Variants in METTL22 observed in about 807,000 individuals in gnomAD.
METTL22 encodes methyltransferase-like protein 22.
Under a neutral mutation model 48.4 loss-of-function variants are expected in METTL22, and 51 were observed. The ratio of observed to expected loss-of-function variants is 1.05; its 90% confidence interval spans 0.84 to 1.33. The LOEUF (loss-of-function observed/expected upper bound fraction) is 1.33. METTL22 is among the 40% of genes most tolerant of loss of function. The probability of loss-of-function intolerance (pLI) is 0.00; values close to 1 mark genes in which losing one functional copy is unlikely to be tolerated. For synonymous variants in METTL22, 255 were observed against 214.1 expected (o/e 1.19, Z -1.67); for missense variants, 678 against 526.9 (o/e 1.29, Z -2.81).
chr16:8,639,059 G>A (rs1284733763), intron 5 of METTL22, 32 bp from the exon 6 acceptor site: 3 of 1,612,290 alleles, frequency 1.9e-6, no homozygotes, highest in Non-Finnish European at 8.5e-7. Flanking sequence ...CGTAGTGGCT[G>A]GCACTTTATG....
intron 3 of METTL22, among the ~76,000 whole-genome samples, chr16:8,630,660 T>A (rs1352564706): frequency 6.6e-6 from 1 of 152,094 alleles, no homozygotes; most frequent in Non-Finnish European, 1.5e-5. Context: ...TTCTGGGAAT[T>A]TACCATTGTA....
chr16:8,639,334 C>T (rs753753211), intron 6 of METTL22, 172 bp downstream of exon 6: 183 of 637,336 alleles, frequency 2.9e-4, no homozygotes, highest in Non-Finnish European at 4.6e-4. Flanking sequence ...GCATTGAGGA[C>T]GCTCCTTGGG....
chr16:8,652,304 C>A (rs1029674376), downstream of METTL22, among the ~76,000 whole-genome samples: 1 of 149,544 alleles, frequency 6.7e-6, no homozygotes, highest in East Asian at 2.0e-4. Flanking sequence ...ACCAAAAATA[C>A]AAAAATTAGC....
At chr16:8,659,980 C>A in the METTL22 span, among the ~76,000 whole-genome samples, 2 of 152,058 alleles carry the variant, frequency 1.3e-5, no homozygotes, top group Non-Finnish European at 2.9e-5. Flanking sequence ...CCCACCTCAG[C>A]CTCACAAAAT....
chr16:8,626,343 A>G (rs2056050026), intron 2 of METTL22, among the ~76,000 whole-genome samples: 1 of 151,880 alleles, frequency 6.6e-6, no homozygotes, highest in Admixed American at 6.6e-5. Context: ...CTGACCCAGG[A>G]CTTGATGCTG....
chr16:8,624,552 C>G (rs570449846), intron 1 of METTL22, among the ~76,000 whole-genome samples: 10 of 151,956 alleles, frequency 6.6e-5, no homozygotes, highest in African/African-American at 2.4e-4. Context: ...CCTAATTCCA[C>G]TCATCTTTTT....
chr16:8,652,677 T>TAA (rs568694586), downstream of METTL22, among the ~76,000 whole-genome samples: 2,101 of 132,952 alleles, frequency 0.016, 54 homozygotes, highest in African/African-American at 0.049. Flanking sequence ...AATAATTATT[T>TAA]TAAAAAAAAA....
chr16:8,643,226 T>A (rs1390963917), intron 9 of METTL22, among the ~76,000 whole-genome samples: 1 of 152,236 alleles, frequency 6.6e-6, no homozygotes, highest in Admixed American at 6.5e-5. Context: ...TGTACAAAGC[T>A]GTATGTACTT....
intron 9 of METTL22, among the ~76,000 whole-genome samples, chr16:8,643,109 G>C (rs1335205647): frequency 6.6e-6 from 1 of 152,130 alleles, no homozygotes; most frequent in African/African-American, 2.4e-5. Flanking sequence ...CTTAACAGTA[G>C]TCCACAGCTT....
At chr16:8,646,027 G>GCCTGCTCCGTGGCTGAAGTGTT in intron 10 of METTL22, 81 bp from the exon 11 acceptor site, 1 of 1,586,918 alleles carries the variant, frequency 6.3e-7, no homozygotes, top group Non-Finnish European at 8.6e-7. Context: ...TACTCTCCTT[G>GCCTGCTCCGTGGCTGAAGTGTT]GTGAATCACT....
chr16:8,651,097 T>C (rs2056888299), downstream of METTL22, among the ~76,000 whole-genome samples: 1 of 151,686 alleles, frequency 6.6e-6, no homozygotes, highest in Admixed American at 6.6e-5. Flanking sequence ...GTAAAGATCA[T>C]ACTAAATGGG....
In METTL22 at chr16:8,628,912, A is replaced by T. The variant is rs1596336460; in HGVS notation, c.316A>T (p.Thr106Ser). The T allele has an allele frequency of 6.2e-7, 1 of 1,613,880 alleles. No individual in the cohort carries two copies. The highest frequency in any genetic ancestry group is 2.2e-5 in the East Asian group (1 of 44,820). The change falls in exon 3 of 11, where the codon ACC (threonine) becomes TCC (serine). Residue 106 changes from threonine (T) to serine (S), a missense_variant. Physicochemically the swap from Thr to Ser is moderately conservative, Grantham distance 58. Transcript: ENST00000381920. ...EGFSLQAGTDTTGQEVAEAQL... is the reference protein window; with the variant it reads ...EGFSLQAGTDSTGQEVAEAQL... ...TTTCTCCCTCCAGGCCGGGACTGACACCACTGGCCAGGAAGTGGCTGAAGC... is the reference window on the plus strand; with the variant it reads ...TTTCTCCCTCCAGGCCGGGACTGACTCCACTGGCCAGGAAGTGGCTGAAGC...
At chr16:8,661,507 G>A in the METTL22 span, among the ~76,000 whole-genome samples, 5 of 141,810 alleles carry the variant, frequency 3.5e-5, no homozygotes, top group East Asian at 4.0e-4. Flanking sequence ...TTAGCCGGGC[G>A]TGGTGGCGGG....
At chr16:8,652,274 C>T (rs550618332), downstream of METTL22, among the ~76,000 whole-genome samples, 116 of 150,740 alleles carry the variant, frequency 7.7e-4, 3 homozygotes, top group South Asian at 0.024. Context: ...GCCTGGCCAA[C>T]ATGGTGAAAC....
At chr16:8,637,300 T>C (rs1027393699) in intron 5 of METTL22, among the ~76,000 whole-genome samples, 2 of 152,230 alleles carry the variant, frequency 1.3e-5, no homozygotes, top group East Asian at 3.8e-4. Flanking sequence ...GCAGCCACGC[T>C]ATTGGCTGCT....
At chr16:8,657,913 C>G in the METTL22 span, among the ~76,000 whole-genome samples, 1 of 151,672 alleles carries the variant, frequency 6.6e-6, no homozygotes, top group Non-Finnish European at 1.5e-5. Context: ...ACCTCCTGGA[C>G]TCAAGCTATC....
rs1446899600 is a variant in METTL22, at chr16:8,628,786, G to A, written c.190G>A (p.Ala64Thr). Residue 64 changes from alanine (A) to threonine (T), a missense_variant, in exon 3 of 11, where the codon GCC (alanine) becomes ACC (threonine). Transcript: ENST00000381920. The stretch of plus-strand genomic sequence containing the variant: ...CCAAGACTCTTGGACAGATTCAGGA[G>A]CCAAGGGTGGCAGTCACAGAGATGT... ...WSQDSWTDSG[A>T]KGGSHRDVHT... is the part of the protein sequence containing the mutation. 2.5e-6 allele frequency: 4 copies of A among 1,614,208 alleles called. No individual in the cohort carries two copies. Among genetic ancestry groups the A allele is most frequent in the Admixed American group, 1.7e-5 (1 of 60,032 alleles).
chr16:8,635,663 AT>A (rs1372114810), intron 5 of METTL22, among the ~76,000 whole-genome samples: 1 of 152,182 alleles, frequency 6.6e-6, no homozygotes, highest in Admixed American at 6.5e-5. Context: ...CAAGTTTATT[AT>A]TTTTTTCCTG....
rs374024072 is a variant in METTL22 at position 8,635,226 on chromosome 16, G to A, written c.614G>A (p.Arg205Gln). 6.5e-5 allele frequency: 105 copies of A among 1,611,356 alleles called. No homozygotes were observed. Among genetic ancestry groups the A allele is most frequent in the Middle Eastern group, 1.7e-4 (1 of 5,840 alleles). ...ATCCTGTTCCGACAGGACCTCTTCC[G>A]AGGATGTACAGCGCTGGAGCTCGGG... ...DYILFRQDLF[R>Q]GCTALELGAG... The change falls in exon 5 of 11, where the codon CGA becomes CAA. Residue 205 changes from arginine to glutamine, a missense_variant. Coordinates refer to ENST00000381920, the MANE Select transcript of METTL22 (RefSeq NM_024109.4).
Sources: gnomAD v4.1 joint callset for allele counts (sites outside exome capture counted in the v4.1 genomes callset) on GRCh38, gnomAD v4.1.1 for gene constraint, MANE v1.5 for transcripts, NCBI Gene and HGNC (gene_info 2026-07-23, HGNC 2026-07-21) for gene names.